The following MTNAP1 variants were observed in gnomAD, a reference collection of about 807,000 sequenced individuals.
MTNAP1 encodes mitochondrial nucleoid associated protein 1.
chr17:73,239,653 G>T, the MTNAP1 span, among the ~76,000 whole-genome samples: 289 of 151,866 alleles, frequency 1.9e-3, no homozygotes, highest in African/African-American at 6.7e-3. Context: ...AGAGTAGCTG[G>T]GATTACAGGT....
chr17:73,235,228 A>G, the MTNAP1 span, among the ~76,000 whole-genome samples: 3 of 152,276 alleles, frequency 2.0e-5, no homozygotes, highest in Non-Finnish European at 2.9e-5. Context: ...TCCAAAATAA[A>G]TAAATAAATA....
chr17:73,243,477 T>G, the MTNAP1 span, among the ~76,000 whole-genome samples: 1 of 151,890 alleles, frequency 6.6e-6, no homozygotes, highest in Non-Finnish European at 1.5e-5. Context: ...TATTAGAGGC[T>G]TGGTTGTAAT....
chr17:73,242,510 T>TC, the MTNAP1 span, among the ~76,000 whole-genome samples: 77,628 of 151,854 alleles, frequency 0.51, 19,933 homozygotes, highest in East Asian at 0.62. Flanking sequence ...ATTTTGGAGT[T>TC]GGACATAATT....
the MTNAP1 span, chr17:73,248,282 A>T: frequency 3.6e-6 from 2 of 552,108 alleles, no homozygotes; most frequent in South Asian, 4.6e-5. Flanking sequence ...ACTGCTACCC[A>T]CAGAAGCCAG....
At chr17:73,245,767 A>T in the MTNAP1 span, 1 of 943,766 alleles carries the variant, frequency 1.1e-6, no homozygotes, top group Non-Finnish European at 1.3e-6. Flanking sequence ...TTTTAAGCTG[A>T]TTTTTAAAAT....
the MTNAP1 span, chr17:73,235,522 T>C: frequency 6.2e-7 from 1 of 1,613,942 alleles, no homozygotes; most frequent in Non-Finnish European, 8.5e-7. Context: ...GTGTCCTTAC[T>C]GTAAGAAGCC....
At chr17:73,248,355 A>C in the MTNAP1 span, 1 of 774,258 alleles carries the variant, frequency 1.3e-6, no homozygotes, top group Admixed American at 2.4e-5. Context: ...AAAGAAAAAG[A>C]ACGTCTCTAA....
chr17:73,238,828 G>A, the MTNAP1 span, among the ~76,000 whole-genome samples: 2 of 152,296 alleles, frequency 1.3e-5, no homozygotes, highest in East Asian at 3.9e-4. Flanking sequence ...GGAGAACCTA[G>A]TTTCCTGAGG....
chr17:73,243,024 A>T, the MTNAP1 span: 1 of 1,579,530 alleles, frequency 6.3e-7, no homozygotes, highest in South Asian at 1.1e-5. Context: ...CTATATTTCT[A>T]GCCTAAATAA....
At chr17:73,236,824 G>A in the MTNAP1 span, 33 of 1,614,004 alleles carry the variant, frequency 2.0e-5, no homozygotes, top group Non-Finnish European at 2.7e-5. Flanking sequence ...CACCAATCAT[G>A]CTGCAGCTGC....
chr17:73,248,539 G>T, the MTNAP1 span: 38 of 1,551,492 alleles, frequency 2.4e-5, no homozygotes, highest in Non-Finnish European at 3.2e-5. Context: ...GAATCTTCCT[G>T]CAAGGTGCAT....
At chr17:73,236,751 A>G in the MTNAP1 span, 1 of 1,614,192 alleles carries the variant, frequency 6.2e-7, no homozygotes, top group Non-Finnish European at 8.5e-7. Flanking sequence ...AGTTCCAAGC[A>G]TCACACACTG....
At chr17:73,244,584 C>T in the MTNAP1 span, 1 of 108,422 alleles carries the variant, frequency 9.2e-6, no homozygotes, top group African/African-American at 3.1e-5. Flanking sequence ...AAAAAAAAAA[C>T]CACCAGTATT....
At chr17:73,234,765 A>G in the MTNAP1 span, among the ~76,000 whole-genome samples, 1 of 65,962 alleles carries the variant, frequency 1.5e-5, no homozygotes, top group East Asian at 6.3e-4. Context: ...CATACATTTT[A>G]TGTATATCTG....
the MTNAP1 span, chr17:73,242,139 A>G: frequency 1.5e-6 from 1 of 656,352 alleles, no homozygotes; most frequent in Non-Finnish European, 2.6e-6. Context: ...ACCTGTTTAG[A>G]ATATGCTCTT....
the MTNAP1 span, among the ~76,000 whole-genome samples, chr17:73,234,098 C>A: frequency 6.6e-6 from 1 of 151,904 alleles, no homozygotes; most frequent in African/African-American, 2.4e-5. Flanking sequence ...AATATTTAAA[C>A]GTTTATATCT....
the MTNAP1 span, among the ~76,000 whole-genome samples, chr17:73,237,830 G>T: frequency 6.6e-6 from 1 of 152,164 alleles, no homozygotes; most frequent in Non-Finnish European, 1.5e-5. Flanking sequence ...AGCCAGGTAA[G>T]ACGGGCAGGC....
At chr17:73,236,447 A>G in the MTNAP1 span, 4 of 1,614,114 alleles carry the variant, frequency 2.5e-6, no homozygotes, top group Non-Finnish European at 3.4e-6. Context: ...GCAACAGAAA[A>G]GCAGGAACGG....
the MTNAP1 span, chr17:73,243,093 T>C: frequency 6.1e-6 from 6 of 991,184 alleles, no homozygotes; most frequent in African/African-American, 1.0e-4. Flanking sequence ...TTTTTTTTTT[T>C]TTTTTTTTAC....
Sources: allele counts gnomAD v4.1 joint callset (sites outside exome capture counted in the v4.1 genomes callset), GRCh38; gene constraint gnomAD v4.1.1; transcripts MANE v1.5; gene names NCBI Gene and HGNC (gene_info 2026-07-23, HGNC 2026-07-21).